CYP20A1: variants seen among roughly 807,000 people sequenced by gnomAD.
The protein encoded by CYP20A1 is cytochrome P450 family 20 subfamily A member 1.
CYP20A1 carries 61 observed loss-of-function variants against 61.4 expected under a neutral mutation model. The observed-to-expected ratio is 0.99, with a 90% CI of 0.81 to 1.23. CYP20A1 has a LOEUF of 1.23. Among genes scored for constraint, CYP20A1 ranks in the 50% most tolerant of loss-of-function variants. The pLI, the probability that CYP20A1 is intolerant of heterozygous loss-of-function variation, is 0.00. For synonymous variants in CYP20A1, 193 were observed against 188.2 expected (o/e 1.03, Z -0.21); for missense variants, 530 against 542.4 (o/e 0.98, Z 0.23).
At chr2:203,285,776 G>T in intron 9 of CYP20A1, 44 bp downstream of exon 9, 2 of 1,482,958 alleles carry the variant, frequency 1.3e-6, no homozygotes, top group South Asian at 3.1e-5. Flanking sequence ...AGGTAAATTT[G>T]AACTGGTTTA....
rs2068920367 is a variant in CYP20A1, at chr2:203,298,979, G to A, written c.*2071G>A. ...GAACCTGGGAGGCGGAGGTTGCAGT[G>A]AGCTGATGTTGTGCTAGTGCACTCC... On this transcript the variant is annotated 3_prime_UTR_variant, in exon 13 of 13. Coordinates refer to ENST00000356079, the MANE Select transcript of CYP20A1 (RefSeq NM_177538.3). 6.6e-6 allele frequency among the ~76,000 whole-genome samples: 1 copy of A among 152,110 alleles called. No homozygotes were observed. Among genetic ancestry groups the A allele is most frequent in the African/African-American group, 2.4e-5 (1 of 41,420 alleles).
At chr2:203,243,459 C>T (rs1403509190) in intron 1 of CYP20A1, among the ~76,000 whole-genome samples, 3 of 151,896 alleles carry the variant, frequency 2.0e-5, no homozygotes, top group African/African-American at 4.8e-5. Flanking sequence ...GACGTGATCT[C>T]GGCTCACTGC....
chr2:203,241,547 G>A (rs1475098340), intron 1 of CYP20A1, among the ~76,000 whole-genome samples: 1 of 152,224 alleles, frequency 6.6e-6, no homozygotes. Context: ...AGAAGGAGCA[G>A]CCACACAAAT....
At position 203,300,932 on chromosome 2, in the gene CYP20A1, C is replaced by T. The variant is rs569583873; in HGVS notation, c.*4024C>T. Among the ~76,000 whole-genome samples the T allele has an allele frequency of 6.0e-4, 88 of 145,810 alleles. 1 individual carries two copies. Among genetic ancestry groups the T allele is most frequent in the African/African-American group, 2.2e-3 (86 of 39,320 alleles). On this transcript the variant is annotated 3_prime_UTR_variant, in exon 13 of 13. Transcript: ENST00000356079. ...AAAAAAACGGCCAGGCGAGGTGGCT[C>T]ACACCTGTAATCCCAGCACTTTGGG...
Position 203,261,249 on chromosome 2 carries a change from G to A in CYP20A1, c.433-5265G>A, listed in dbSNP as rs141148325. 5.4e-3 allele frequency among the ~76,000 whole-genome samples: 819 copies of A among 151,498 alleles called. 9 individuals carry two copies. Among genetic ancestry groups the A allele is most frequent in the African/African-American group, 0.018 (760 of 41,336 alleles). ...AGAATTATAATAGGGGCTACTCTAA[G>A]GAGAACTCTAAAGAATATAGGAATA... On this transcript the variant is annotated intron_variant, in intron 4 of 12. Coordinates refer to ENST00000356079, the MANE Select transcript of CYP20A1 (RefSeq NM_177538.3).
At chr2:203,296,620 G>C in intron 12 of CYP20A1, 57 bp downstream of exon 12, 1 of 1,447,192 alleles carries the variant, frequency 6.9e-7, no homozygotes, top group Non-Finnish European at 9.5e-7. Flanking sequence ...CTGTTGATGA[G>C]AATGGGCAAT....
Position 203,303,558 on chromosome 2 carries a change from G to A in CYP20A1, c.*6650G>A, listed in dbSNP as rs1353594649. 6.6e-6 allele frequency among the ~76,000 whole-genome samples: 1 copy of A among 151,878 alleles called. No homozygotes were observed. Among genetic ancestry groups the A allele is most frequent in the East Asian group, 2.0e-4 (1 of 5,104 alleles). Reference sequence around the variant, plus strand: ...TAAAAATACCAAAAGTAGCGGGCGTGGTGACAGGTGCCTCTAATCCCAGCT... The same window carrying A: ...TAAAAATACCAAAAGTAGCGGGCGTAGTGACAGGTGCCTCTAATCCCAGCT... On this transcript the variant is annotated 3_prime_UTR_variant, in exon 13 of 13. Transcript: ENST00000356079.
rs2069064979 is a variant in CYP20A1 at position 203,302,611 on chromosome 2, A to AAGAAAAGAC, written c.*5703_*5704insAGAAAAGAC. ...ATACAAAATATTATTTGCATTTAACATATTCTGAACCAATAGTCTTTTCTA... is the reference window on the plus strand; with the variant it reads ...ATACAAAATATTATTTGCATTTAACAAGAAAAGACTATTCTGAACCAATAGTCTTTTCTA... On this transcript the variant is annotated 3_prime_UTR_variant, in exon 13 of 13. Coordinates refer to ENST00000356079, the MANE Select transcript of CYP20A1 (RefSeq NM_177538.3). Among the ~76,000 whole-genome samples the AAGAAAAGAC allele has an allele frequency of 1.3e-5, 2 of 152,168 alleles. No homozygotes were observed. Among genetic ancestry groups the AAGAAAAGAC allele is most frequent in the Non-Finnish European group, 2.9e-5 (2 of 68,046 alleles).
chr2:203,283,025 A>G (rs2068106388), intron 8 of CYP20A1, among the ~76,000 whole-genome samples: 1 of 151,950 alleles, frequency 6.6e-6, no homozygotes, highest in Non-Finnish European at 1.5e-5. Context: ...AATAAATTGT[A>G]GTTAGCTGTG....
At chr2:203,275,740 AT>A (rs1263018689) in intron 6 of CYP20A1, among the ~76,000 whole-genome samples, 2 of 152,324 alleles carry the variant, frequency 1.3e-5, no homozygotes, top group East Asian at 3.9e-4. Context: ...GTGCCTGGGA[AT>A]AATTTCTCAT....
rs1382443487 is a variant in CYP20A1 at position 203,299,462 on chromosome 2, T to C, written c.*2554T>C. Among the ~76,000 whole-genome samples, 2 of 152,174 alleles carry C rather than the reference T, an allele frequency of 1.3e-5. No homozygotes were observed. The highest frequency in any genetic ancestry group is 4.8e-5 in the African/African-American group (2 of 41,452). ...AAATCCCTTTGTTGTTGAGTTATTT[T>C]ATGTCATTTATTGGTAAATACCTAA... On this transcript the variant is annotated 3_prime_UTR_variant, in exon 13 of 13. Transcript: ENST00000356079.
intron 3 of CYP20A1, among the ~76,000 whole-genome samples, chr2:203,250,359 G>C (rs1559086086): frequency 6.6e-6 from 1 of 152,132 alleles, no homozygotes; most frequent in Non-Finnish European, 1.5e-5. Flanking sequence ...CATGAAGAAG[G>C]TATTATGGTT....
At chr2:203,276,085 C>T (rs1459226984) in intron 6 of CYP20A1, among the ~76,000 whole-genome samples, 1 of 152,150 alleles carries the variant, frequency 6.6e-6, no homozygotes, top group African/African-American at 2.4e-5. Flanking sequence ...ACCACTCATG[C>T]AGAACATGTG....
rs1410480389 is a variant in CYP20A1, at chr2:203,301,971, G to C, written c.*5063G>C. ...CTGAGTCCCGCTGTCTATTGCCCAG[G>C]CTGGAGTGCCATGGCACCATCTCGG... On this transcript the variant is annotated 3_prime_UTR_variant, in exon 13 of 13. Transcript: ENST00000356079. Among the ~76,000 whole-genome samples, 1 of 144,668 alleles carries C rather than the reference G, an allele frequency of 6.9e-6. No homozygotes were observed. The highest frequency in any genetic ancestry group is 1.5e-5 in the Non-Finnish European group (1 of 66,952). The allele number at this position is 144,668 out of a possible 152,430, so 94.9% of individuals were successfully genotyped here.
chr2:203,243,995 CA>C (rs1305911975), intron 1 of CYP20A1, among the ~76,000 whole-genome samples: 1 of 152,120 alleles, frequency 6.6e-6, no homozygotes. Context: ...TGGCCTATTT[CA>C]TTGAAAAAAT....
At chr2:203,288,091 A>G (rs1170706015) in intron 9 of CYP20A1, among the ~76,000 whole-genome samples, 3 of 81,478 alleles carry the variant, frequency 3.7e-5, no homozygotes, top group African/African-American at 1.5e-4. Flanking sequence ...TTTCAGATGC[A>G]GTCCCTTTCT....
chr2:203,304,047 G>A lies in CYP20A1; in HGVS notation c.*7139G>A, dbSNP rs1259735068. ...ACAGCCTGGCCAACATGGGGAAACC[G>A]CATCTCTACTAAAAATACAAAAATT... On this transcript the variant is annotated 3_prime_UTR_variant, in exon 13 of 13. Coordinates refer to ENST00000356079, the MANE Select transcript of CYP20A1 (RefSeq NM_177538.3). 1.3e-5 allele frequency among the ~76,000 whole-genome samples: 2 copies of A among 151,636 alleles called. No homozygotes were observed. Among genetic ancestry groups the A allele is most frequent in the African/African-American group, 2.4e-5 (1 of 41,292 alleles).
intron 11 of CYP20A1, among the ~76,000 whole-genome samples, chr2:203,292,796 CTTA>C (rs2068595978): frequency 6.6e-6 from 1 of 151,788 alleles, no homozygotes; most frequent in South Asian, 2.1e-4. Flanking sequence ...TGCTTTTTCT[CTTA>C]TGTGAATCTG....
At chr2:203,247,416 GT>G (rs1479515021) in intron 3 of CYP20A1, among the ~76,000 whole-genome samples, 1 of 152,096 alleles carries the variant, frequency 6.6e-6, no homozygotes, top group African/African-American at 2.4e-5. Context: ...TTAAATAATT[GT>G]GTTTTTCCTT....
Sources: allele counts gnomAD v4.1 joint callset (sites outside exome capture counted in the v4.1 genomes callset), GRCh38; gene constraint gnomAD v4.1.1; transcripts MANE v1.5; gene names NCBI Gene and HGNC (gene_info 2026-07-23, HGNC 2026-07-21).